The following CEP55 variants were observed in gnomAD, a reference collection of about 807,000 sequenced individuals.
The protein encoded by CEP55 is centrosomal protein 55, also known as centrosomal protein of 55 kDa.
In CEP55, 57 loss-of-function variants were observed where a neutral mutation model predicts 63.2. The ratio of observed to expected loss-of-function variants is 0.90; its 90% CI spans 0.73 to 1.13. The LOEUF is 1.13. Ranked by LOEUF, CEP55 falls within the 50% of genes most tolerant of loss-of-function variation. The pLI is 0.00. For missense variants in CEP55, 456 were observed against 518.9 expected, an observed-to-expected ratio of 0.88 and a Z score of 1.18; for synonymous variants, 178 against 191.6, an observed-to-expected ratio of 0.93 and a Z score of 0.59.
intron 8 of CEP55, among the ~76,000 whole-genome samples, chr10:93,524,834 A>G (rs924518381): frequency 6.6e-6 from 1 of 152,240 alleles, no homozygotes; most frequent in Non-Finnish European, 1.5e-5. Flanking sequence ...ACCAACGACA[A>G]AAACCACATG....
At chr10:93,507,095 T>C in intron 4 of CEP55, 39 bp downstream of exon 4, 1 of 1,149,530 alleles carries the variant, frequency 8.7e-7, no homozygotes, top group Non-Finnish European at 1.3e-6. Context: ...TAAAGAGGGC[T>C]AATTCATTTA....
chr10:93,523,503 C>T (rs1237277323), intron 8 of CEP55, among the ~76,000 whole-genome samples: 3 of 152,106 alleles, frequency 2.0e-5, no homozygotes, highest in Non-Finnish European at 4.4e-5. Flanking sequence ...GACTTTAACA[C>T]CCCACTGTCA....
chr10:93,498,506 G>A (rs1476186309), intron 1 of CEP55, among the ~76,000 whole-genome samples: 1 of 152,170 alleles, frequency 6.6e-6, no homozygotes, highest in Non-Finnish European at 1.5e-5. Context: ...TGATGGATGA[G>A]CTACTGCAAT....
At chr10:93,516,712 T>G (rs1564766453) in intron 5 of CEP55, among the ~76,000 whole-genome samples, 1 of 152,218 alleles carries the variant, frequency 6.6e-6, no homozygotes, top group Non-Finnish European at 1.5e-5. Flanking sequence ...ACAGAATAGA[T>G]GTTACTGTTT....
chr10:93,514,175 C>T (rs1252812179), intron 4 of CEP55, among the ~76,000 whole-genome samples: 1 of 152,034 alleles, frequency 6.6e-6, no homozygotes, highest in Non-Finnish European at 1.5e-5. Flanking sequence ...TCAAGTAATC[C>T]GCCCGCCTCG....
At chr10:93,524,664 G>A (rs2057901265) in intron 8 of CEP55, among the ~76,000 whole-genome samples, 1 of 152,142 alleles carries the variant, frequency 6.6e-6, no homozygotes. Flanking sequence ...CAATATCCCT[G>A]ATGAACATCG....
At chr10:93,522,906 C>G (rs2057878952) in intron 8 of CEP55, among the ~76,000 whole-genome samples, 1 of 152,160 alleles carries the variant, frequency 6.6e-6, no homozygotes, top group Non-Finnish European at 1.5e-5. Context: ...TTTGTCACCA[C>G]CAGGCCTGCC....
At position 93,528,579 on chromosome 10, in the gene CEP55, A is replaced by G. The variant is rs2057948711; in HGVS notation, c.*426A>G. 1 of 165,544 alleles carries G rather than the reference A, an allele frequency of 6.0e-6. No individual in the cohort carries two copies. Among genetic ancestry groups the G allele is most frequent in the African/African-American group, 2.4e-5 (1 of 41,566 alleles). The allele number at this position is 165,544 out of a possible 1,614,324, so 10.3% of individuals were successfully genotyped here. A position where few individuals can be genotyped will look rare whatever the true frequency, so the allele number is the denominator to read the frequency against. ...TTATCCAAGCACTTAGAAAACCTACAATCCTAATTTTGATGTCCATTGTTA... is the reference window on the plus strand; with the variant it reads ...TTATCCAAGCACTTAGAAAACCTACGATCCTAATTTTGATGTCCATTGTTA... On this transcript the variant is annotated 3_prime_UTR_variant, in exon 9 of 9. Coordinates refer to ENST00000371485, the MANE Select transcript of CEP55 (RefSeq NM_018131.5).
chr10:93,515,537 A>G lies in CEP55; in HGVS notation c.661A>G (p.Lys221Glu). ...TAAHSLPQQT[K>E]KPESEGYLQE... The stretch of plus-strand genomic sequence containing the variant: ...TGCTCATTCACTCCCACAGCAGACA[A>G]AAAAGCCTGAATCAGAAGGTACTGA... Residue 221 changes from lysine to glutamate, a missense_variant, in exon 5 of 9, where the codon AAA becomes GAA. Physicochemically the swap from Lys to Glu is moderately conservative, Grantham distance 56 (BLOSUM62 1). Coordinates refer to ENST00000371485, the MANE Select transcript of CEP55 (RefSeq NM_018131.5). The G allele has an allele frequency of 1.2e-6, 2 of 1,613,292 alleles. No individual in the cohort carries two copies. The highest frequency in any genetic ancestry group is 1.7e-6 in the Non-Finnish European group (2 of 1,179,340).
chr10:93,512,088 G>T (rs1362994511), intron 4 of CEP55, among the ~76,000 whole-genome samples: 1 of 151,550 alleles, frequency 6.6e-6, no homozygotes, highest in Non-Finnish European at 1.5e-5. Context: ...AAAGCTGGGC[G>T]TGGTGGTACA....
intron 2 of CEP55, among the ~76,000 whole-genome samples, chr10:93,501,126 T>C (rs2057631402): frequency 6.6e-6 from 1 of 152,234 alleles, no homozygotes; most frequent in Non-Finnish European, 1.5e-5. Context: ...GATTTCCTTA[T>C]TTAAAACATA....
intron 4 of CEP55, among the ~76,000 whole-genome samples, chr10:93,507,308 C>G (rs12413647): frequency 0.53 from 79,579 of 150,190 alleles, 23,023 homozygotes; most frequent in Non-Finnish European, 0.65. Context: ...ACTGCAACCT[C>G]TGTCTCCTGG....
intron 1 of CEP55, among the ~76,000 whole-genome samples, chr10:93,499,517 A>C (rs1176582358): frequency 7.3e-6 from 1 of 137,394 alleles, no homozygotes; most frequent in Non-Finnish European, 1.6e-5. Context: ...GTACAAGTTG[A>C]CTTTTTTTTT....
intron 2 of CEP55, 88 bp downstream of exon 2, chr10:93,500,322 G>A (rs1434934799): frequency 1.5e-5 from 16 of 1,101,878 alleles, no homozygotes; most frequent in South Asian, 7.0e-5. Flanking sequence ...TACTCTTGCC[G>A]TGTTCCCTGT....
intron 8 of CEP55, among the ~76,000 whole-genome samples, chr10:93,526,593 C>A (rs2057924914): frequency 6.6e-6 from 1 of 152,120 alleles, no homozygotes; most frequent in Non-Finnish European, 1.5e-5. Context: ...GGTATATACC[C>A]AAAGGAGTAT....
chr10:93,528,362 C>T lies in CEP55; in HGVS notation c.*209C>T. 1 of 576,786 alleles carries T rather than the reference C, an allele frequency of 1.7e-6. No homozygotes were observed. The allele number at this position is 576,786 out of a possible 1,614,324, so 35.7% of individuals were successfully genotyped here. A position where few individuals can be genotyped will look rare whatever the true frequency, so the allele number is the denominator to read the frequency against. Reference sequence around the variant, plus strand: ...CCTGACATGGTTCATCATCAGGCTGCAATGACAGAATGTGGTGAGCAGCGT... The same window carrying T: ...CCTGACATGGTTCATCATCAGGCTGTAATGACAGAATGTGGTGAGCAGCGT... On this transcript the variant is annotated 3_prime_UTR_variant, in exon 9 of 9. Transcript: ENST00000371485.
At chr10:93,522,499 T>C (rs890709165) in intron 8 of CEP55, among the ~76,000 whole-genome samples, 2 of 152,148 alleles carry the variant, frequency 1.3e-5, no homozygotes, top group South Asian at 4.1e-4. Context: ...TGCAACCAAA[T>C]TGGAAAACAC....
At chr10:93,500,273 A>C (rs1564760251) in intron 2 of CEP55, 39 bp downstream of exon 2, 1 of 1,517,434 alleles carries the variant, frequency 6.6e-7, no homozygotes, top group East Asian at 2.3e-5. Context: ...TAAGCTCTCC[A>C]AGAAAGCGAT....
At chr10:93,514,780 T>C (rs543075970) in intron 4 of CEP55, among the ~76,000 whole-genome samples, 11 of 152,328 alleles carry the variant, frequency 7.2e-5, no homozygotes, top group Non-Finnish European at 1.5e-4. Flanking sequence ...TTTTTTTGTT[T>C]GTTTTTTTGA....
Sources: allele counts gnomAD v4.1 joint callset (sites outside exome capture counted in the v4.1 genomes callset), GRCh38; gene constraint gnomAD v4.1.1; transcripts MANE v1.5; gene names NCBI Gene and HGNC (gene_info 2026-07-23, HGNC 2026-07-21).